Variants in SLC9A9 observed in about 807,000 individuals in gnomAD.
SLC9A9 encodes solute carrier family 9 member A9.
A neutral mutation model predicts 77.8 loss-of-function variants in SLC9A9; 62 were observed. The ratio of observed to expected loss-of-function variants is 0.80; its 90% CI spans 0.65 to 0.98. SLC9A9 has a LOEUF of 0.98. Ranked by LOEUF, SLC9A9 falls within the 50% of genes least tolerant of loss-of-function variation. The pLI is 0.00. For synonymous variants in SLC9A9, 320 were observed against 283.5 expected (o/e 1.13, Z -1.29); for missense variants, 775 against 774.9 (o/e 1.00, Z 0.00).
intron 2 of SLC9A9, among the ~76,000 whole-genome samples, chr3:143,811,140 C>A (rs185037505): frequency 2.6e-4 from 40 of 151,836 alleles, no homozygotes; most frequent in African/African-American, 8.7e-4. Context: ...CAGTTGGTAG[C>A]AAGGAATTTA....
Position 143,266,775 on chromosome 3 carries a change from T to C in SLC9A9, c.1865A>G (p.Tyr622Cys), listed in dbSNP as rs140458970. 4.6e-5 allele frequency: 74 copies of C among 1,614,100 alleles called. No individual in the cohort carries two copies. The highest frequency in any genetic ancestry group is 6.1e-5 in the Non-Finnish European group (72 of 1,180,042). ...SPQTPGKENI[Y>C]EGDLGLGGYE... ...GCCTCCCAGGCCGAGGTCTCCCTCA[T>C]AAATGTTTTCCTTGCCTGGCGTCTG... Residue 622 changes from tyrosine (Y) to cysteine (C), a missense_variant, in exon 16 of 16, where the codon TAT (tyrosine) becomes TGT (cysteine). Transcript: ENST00000316549.
At chr3:143,470,479 T>TTAA (rs1346515370) in intron 11 of SLC9A9, among the ~76,000 whole-genome samples, 1 of 59,900 alleles carries the variant, frequency 1.7e-5, no homozygotes, top group Non-Finnish European at 3.2e-5. Flanking sequence ...AAATTCTGGC[T>TTAA]CAAAAAAAAA....
intron 4 of SLC9A9, among the ~76,000 whole-genome samples, chr3:143,771,978 C>T (rs1483650186): frequency 1.3e-5 from 2 of 151,580 alleles, no homozygotes. Flanking sequence ...TGCTGAGCTG[C>T]GGCTGGGCAG....
At chr3:143,738,972 G>T (rs2108815327) in intron 4 of SLC9A9, among the ~76,000 whole-genome samples, 1 of 152,180 alleles carries the variant, frequency 6.6e-6, no homozygotes, top group Middle Eastern at 3.4e-3. Flanking sequence ...CATCTTTTAG[G>T]AGTTTTTATG....
chr3:143,796,891 G>T lies in SLC9A9; in HGVS notation c.391C>A (p.Pro131Thr). ...NAILEKMTFD[P>T]EIFFNVLLPP... ...AGTAAAACATTGAAGAAGATTTCTG[G>T]ATCAAATGTCATCTGCCAGAAAGGA... The change falls in exon 3 of 16, where the codon CCA (proline) becomes ACA (threonine). Residue 131 changes from proline to threonine, a missense_variant. Pro to Thr is a conservative substitution (Grantham distance 38). Transcript: ENST00000316549. 1 of 1,611,836 alleles carries T rather than the reference G, an allele frequency of 6.2e-7. No homozygotes were observed. Among genetic ancestry groups the T allele is most frequent in the East Asian group, 2.2e-5 (1 of 44,692 alleles).
chr3:143,729,326 C>T (rs1381628088), intron 4 of SLC9A9, among the ~76,000 whole-genome samples: 4 of 152,208 alleles, frequency 2.6e-5, no homozygotes, highest in Non-Finnish European at 4.4e-5. Context: ...GGAAAAATTA[C>T]TTGACCTCTC....
At chr3:143,591,495 T>A (rs993748747) in intron 6 of SLC9A9, among the ~76,000 whole-genome samples, 2 of 152,094 alleles carry the variant, frequency 1.3e-5, no homozygotes, top group Non-Finnish European at 2.9e-5. Flanking sequence ...TATAGAGGAG[T>A]CCTCTCTGGT....
intron 4 of SLC9A9, among the ~76,000 whole-genome samples, chr3:143,784,180 C>T (rs1245443576): frequency 6.6e-6 from 1 of 152,206 alleles, no homozygotes; most frequent in East Asian, 1.9e-4. Flanking sequence ...CCGTAGTTCC[C>T]CATTCCAGCT....
intron 6 of SLC9A9, among the ~76,000 whole-genome samples, chr3:143,628,948 T>A (rs2038375328): frequency 6.6e-6 from 1 of 152,196 alleles, no homozygotes; most frequent in African/African-American, 2.4e-5. Context: ...GTTAAGTATA[T>A]ATATTTTTTC....
chr3:143,551,134 A>C (rs1027285928), intron 9 of SLC9A9, among the ~76,000 whole-genome samples: 1 of 152,170 alleles, frequency 6.6e-6, no homozygotes. Flanking sequence ...TAAGGCAGAG[A>C]TTGGGGTGGA....
rs935279079 is a variant in SLC9A9, at chr3:143,589,678, GT to G, written c.756-10956del. 2.6e-5 allele frequency among the ~76,000 whole-genome samples: 4 copies of G among 152,262 alleles called. No individual in the cohort carries two copies. The East Asian group carries it at 7.7e-4, about 29-fold the overall frequency. Reference sequence around the variant, plus strand: ...AAAGCATTTCTTAGAATATATCCCTGTTTTTAAGACATGCATGACTGTATTG... The same window carrying G: ...AAAGCATTTCTTAGAATATATCCCTGTTTTAAGACATGCATGACTGTATTG... On this transcript the variant is annotated intron_variant, in intron 6 of 15. Transcript: ENST00000316549.
chr3:143,298,619 A>C (rs1274974129), intron 14 of SLC9A9, among the ~76,000 whole-genome samples: 1 of 152,238 alleles, frequency 6.6e-6, no homozygotes, highest in African/African-American at 2.4e-5. Flanking sequence ...AGGATGCTCA[A>C]GTATAGCTGA....
chr3:143,539,396 T>G (rs1459695716), intron 9 of SLC9A9, among the ~76,000 whole-genome samples: 3 of 152,250 alleles, frequency 2.0e-5, no homozygotes, highest in African/African-American at 7.2e-5. Flanking sequence ...TTTTATTAAA[T>G]ACATTTGCTG....
chr3:143,332,875 A>G (rs1223969431), intron 14 of SLC9A9, among the ~76,000 whole-genome samples: 2 of 152,150 alleles, frequency 1.3e-5, no homozygotes. Context: ...ATCGCTGCTG[A>G]CTTATCTATA....
chr3:143,571,526 T>C (rs578093580), intron 8 of SLC9A9, among the ~76,000 whole-genome samples: 4 of 152,300 alleles, frequency 2.6e-5, no homozygotes, highest in African/African-American at 9.6e-5. Context: ...AAATACACTG[T>C]CCATTCTGGT....
chr3:143,359,603 GA>G (rs2032686898), intron 14 of SLC9A9, among the ~76,000 whole-genome samples: 1 of 152,136 alleles, frequency 6.6e-6, no homozygotes, highest in Non-Finnish European at 1.5e-5. Flanking sequence ...GAGCCGAGGG[GA>G]AAGAGTAGGA....
intron 6 of SLC9A9, among the ~76,000 whole-genome samples, chr3:143,626,585 G>A (rs1576619877): frequency 6.6e-6 from 1 of 151,028 alleles, no homozygotes; most frequent in South Asian, 2.1e-4. Context: ...ATGGACACAG[G>A]AAGGGGAACA....
chr3:143,546,983 T>C (rs989855180), intron 9 of SLC9A9, among the ~76,000 whole-genome samples: 1 of 152,228 alleles, frequency 6.6e-6, no homozygotes, highest in East Asian at 1.9e-4. Flanking sequence ...ATTGTTCTTA[T>C]CACTGTCATC....
chr3:143,716,083 C>A (rs78819121), intron 4 of SLC9A9, among the ~76,000 whole-genome samples: 2 of 152,094 alleles, frequency 1.3e-5, no homozygotes, highest in Non-Finnish European at 2.9e-5. Context: ...GACTCAAATG[C>A]CATTTTTTTG....
Sources: gnomAD v4.1 joint callset for allele counts (sites outside exome capture counted in the v4.1 genomes callset) on GRCh38, gnomAD v4.1.1 for gene constraint, MANE v1.5 for transcripts, NCBI Gene and HGNC (gene_info 2026-07-23, HGNC 2026-07-21) for gene names.